The following FIRRM variants were observed in gnomAD, a reference collection of about 807,000 sequenced individuals.
The protein encoded by FIRRM is FIGNL1 interacting regulator of recombination and mitosis.
chr1:169,851,825 T>G, the FIRRM span: 2 of 1,613,894 alleles, frequency 1.2e-6, no homozygotes, highest in Non-Finnish European at 1.7e-6. Flanking sequence ...AGACTGGGTT[T>G]GTAGATGAAA....
chr1:169,828,815 G>A, the FIRRM span, among the ~76,000 whole-genome samples: 9,877 of 152,104 alleles, frequency 0.065, 428 homozygotes, highest in Non-Finnish European at 0.099. Flanking sequence ...CAAAATGCTG[G>A]GATTACAGGC....
chr1:169,790,257 A>C, the FIRRM span, among the ~76,000 whole-genome samples: 1 of 151,810 alleles, frequency 6.6e-6, no homozygotes, highest in African/African-American at 2.4e-5. Flanking sequence ...GGCTCACTGC[A>C]ACCTCCGCCT....
the FIRRM span, among the ~76,000 whole-genome samples, chr1:169,831,131 T>G: frequency 1.3e-5 from 2 of 152,190 alleles, no homozygotes; most frequent in Admixed American, 6.5e-5. Flanking sequence ...TTGATTTTGT[T>G]GTATTTTTTT....
chr1:169,809,178 T>C, the FIRRM span, among the ~76,000 whole-genome samples: 1 of 151,992 alleles, frequency 6.6e-6, no homozygotes, highest in Non-Finnish European at 1.5e-5. Flanking sequence ...AAATGAGGAG[T>C]AGTGTTAGGA....
chr1:169,794,923 G>C, the FIRRM span: 1 of 595,020 alleles, frequency 1.7e-6, no homozygotes, highest in East Asian at 2.8e-5. Flanking sequence ...GAGTCCTCCA[G>C]GGGCTAGAGA....
chr1:169,850,373 A>G, the FIRRM span: 3 of 1,468,596 alleles, frequency 2.0e-6, no homozygotes, highest in South Asian at 2.4e-5. Context: ...CTCATGTTTT[A>G]TTCTTTGTCC....
the FIRRM span, chr1:169,808,051 T>G: frequency 1.1e-5 from 10 of 873,510 alleles, no homozygotes; most frequent in Middle Eastern, 3.4e-4. Context: ...CATTTGGGTG[T>G]TTTTTTTTGA....
the FIRRM span, among the ~76,000 whole-genome samples, chr1:169,805,434 G>A: frequency 6.6e-6 from 1 of 152,188 alleles, no homozygotes; most frequent in Non-Finnish European, 1.5e-5. Context: ...AGTGTGAGCA[G>A]GTCGCTGTGT....
At chr1:169,818,539 T>G in the FIRRM span, among the ~76,000 whole-genome samples, 1 of 152,364 alleles carries the variant, frequency 6.6e-6, no homozygotes, top group African/African-American at 2.4e-5. Context: ...TAAAAGGCAT[T>G]CCACTTTTTA....
the FIRRM span, chr1:169,792,750 TTTTACTTAACAGTC>T: frequency 6.2e-7 from 1 of 1,613,812 alleles, no homozygotes; most frequent in Non-Finnish European, 8.5e-7. Context: ...ACACGTCCAT[TTTTACTTAACAGTC>T]TAAGGAAAGT....
the FIRRM span, chr1:169,851,924 G>GTCA: frequency 2.4e-5 from 38 of 1,613,922 alleles, 1 homozygote; most frequent in South Asian, 3.2e-4. Context: ...AAGCAAAGAG[G>GTCA]TCATCTTTAC....
At chr1:169,853,839 T>C in the FIRRM span, 139 of 1,571,160 alleles carry the variant, frequency 8.8e-5, 1 homozygote, top group Non-Finnish European at 7.8e-5. Context: ...ATACGCAAAT[T>C]TGAAAAAGCA....
At chr1:169,812,713 C>T in the FIRRM span, among the ~76,000 whole-genome samples, 1 of 151,884 alleles carries the variant, frequency 6.6e-6, no homozygotes, top group African/African-American at 2.4e-5. Flanking sequence ...AAAAATTAGC[C>T]AGGAGTGATG....
At chr1:169,796,019 T>G in the FIRRM span, 18 of 959,198 alleles carry the variant, frequency 1.9e-5, no homozygotes, top group Non-Finnish European at 2.1e-5. Context: ...TTCACAACAT[T>G]TGAGCCCAGC....
chr1:169,850,345 G>A, the FIRRM span: 1 of 1,597,844 alleles, frequency 6.3e-7, no homozygotes, highest in Non-Finnish European at 8.6e-7. Context: ...TTCTGGAGAA[G>A]GTACTTTCTT....
At chr1:169,814,661 G>A in the FIRRM span, among the ~76,000 whole-genome samples, 20,315 of 152,144 alleles carry the variant, frequency 0.13, 1,603 homozygotes, top group Admixed American at 0.2. Flanking sequence ...GATACATATT[G>A]TAAATTGAGG....
the FIRRM span, chr1:169,837,152 C>G: frequency 1.3e-6 from 2 of 1,509,510 alleles, no homozygotes; most frequent in Admixed American, 2.2e-5. Context: ...CATTCAGCAG[C>G]TGTTTATTGA....
chr1:169,822,185 A>G, the FIRRM span, among the ~76,000 whole-genome samples: 2 of 152,206 alleles, frequency 1.3e-5, no homozygotes, highest in Non-Finnish European at 2.9e-5. Flanking sequence ...CCACTGGAAT[A>G]CAAACCCTGC....
the FIRRM span, chr1:169,795,596 T>A: frequency 9.9e-7 from 1 of 1,014,366 alleles, no homozygotes; most frequent in African/African-American, 1.7e-5. Flanking sequence ...TAGCTCTGGC[T>A]CTTAATAGTT....
Sources: allele counts gnomAD v4.1 joint callset (sites outside exome capture counted in the v4.1 genomes callset), GRCh38; gene constraint gnomAD v4.1.1; transcripts MANE v1.5; gene names NCBI Gene and HGNC (gene_info 2026-07-23, HGNC 2026-07-21).